The following MAF variants were observed in gnomAD, a reference collection of about 807,000 sequenced individuals.
MAF encodes the protein transcription factor Maf.
A neutral mutation model predicts 22.0 loss-of-function variants in MAF; 10 were observed. The observed-to-expected ratio is 0.45, with a 90% CI of 0.28 to 0.77. The LOEUF is 0.77. MAF is among the 30% of genes least tolerant of loss of function. MAF has a pLI of 0.12. For missense variants in MAF, 544 were observed against 548.4 expected (o/e 0.99, Z 0.08); for synonymous variants, 337 against 255.8 (o/e 1.32, Z -3.03).
chr16:79,211,369 T>C, the MAF span, among the ~76,000 whole-genome samples: 1 of 152,210 alleles, frequency 6.6e-6, no homozygotes, highest in African/African-American at 2.4e-5. Flanking sequence ...TGTCCCTGTA[T>C]GAGGTGTCAA....
chr16:79,493,863 G>A, the MAF span, among the ~76,000 whole-genome samples: 1 of 150,876 alleles, frequency 6.6e-6, no homozygotes, highest in Non-Finnish European at 1.5e-5. Context: ...GCAAAGACCT[G>A]CCCCTTAGTC....
the MAF span, among the ~76,000 whole-genome samples, chr16:79,345,653 C>G: frequency 0.52 from 76,168 of 147,656 alleles, 20,394 homozygotes; most frequent in African/African-American, 0.67. Flanking sequence ...GCTTGAACCT[C>G]GTAGGTGGAG....
the MAF span, among the ~76,000 whole-genome samples, chr16:79,376,806 G>C: frequency 3.9e-5 from 6 of 152,174 alleles, no homozygotes; most frequent in African/African-American, 1.2e-4. Flanking sequence ...AGTTTGCCGA[G>C]AATGATGGTT....
the MAF span, among the ~76,000 whole-genome samples, chr16:79,218,843 AC>A: frequency 0.02 from 3,028 of 152,232 alleles, 25 homozygotes; most frequent in East Asian, 0.04. Flanking sequence ...TGAAGAGCCT[AC>A]CTTTTTTCCT....
chr16:79,342,897 G>T, the MAF span, among the ~76,000 whole-genome samples: 1 of 152,040 alleles, frequency 6.6e-6, no homozygotes, highest in Non-Finnish European at 1.5e-5. Flanking sequence ...CCTCCAAAGC[G>T]TTCGTTCTTA....
the MAF span, among the ~76,000 whole-genome samples, chr16:79,416,344 T>C: frequency 1.3e-5 from 2 of 152,204 alleles, no homozygotes; most frequent in Non-Finnish European, 1.5e-5. Flanking sequence ...ACAAGCTCCA[T>C]GTCAACATGT....
chr16:79,309,145 C>A, the MAF span, among the ~76,000 whole-genome samples: 1 of 152,058 alleles, frequency 6.6e-6, no homozygotes, highest in Non-Finnish European at 1.5e-5. Context: ...GCCTTGGATA[C>A]AGGGGTGCTC....
chr16:79,278,141 T>G, the MAF span, among the ~76,000 whole-genome samples: 1 of 152,206 alleles, frequency 6.6e-6, no homozygotes, highest in African/African-American at 2.4e-5. Flanking sequence ...TAGGACTAGA[T>G]TGAGTCGTCC....
At chr16:79,555,539 AG>A in the MAF span, among the ~76,000 whole-genome samples, 10,707 of 152,264 alleles carry the variant, frequency 0.07, 531 homozygotes, top group Middle Eastern at 0.16. Flanking sequence ...TTAACTACAC[AG>A]TGGAAAGATA....
chr16:79,423,174 T>C, the MAF span, among the ~76,000 whole-genome samples: 2 of 152,202 alleles, frequency 1.3e-5, no homozygotes, highest in African/African-American at 4.8e-5. Flanking sequence ...AAATATTGCA[T>C]AGGATGTACC....
the MAF span, among the ~76,000 whole-genome samples, chr16:79,215,659 G>A: frequency 1.3e-5 from 2 of 152,180 alleles, no homozygotes; most frequent in African/African-American, 2.4e-5. Context: ...GGGTAGCTGA[G>A]GATTCTCCCA....
At chr16:79,487,950 A>G in the MAF span, among the ~76,000 whole-genome samples, 1 of 152,242 alleles carries the variant, frequency 6.6e-6, no homozygotes, top group Admixed American at 6.5e-5. Flanking sequence ...CACAATGCTC[A>G]GGTTAAGAAA....
chr16:79,278,522 T>A, the MAF span, among the ~76,000 whole-genome samples: 1 of 152,208 alleles, frequency 6.6e-6, no homozygotes. Context: ...ATTTTCTCTC[T>A]TGTGTACAGA....
At chr16:79,549,381 G>C in the MAF span, among the ~76,000 whole-genome samples, 2 of 152,206 alleles carry the variant, frequency 1.3e-5, no homozygotes, top group Non-Finnish European at 2.9e-5. Flanking sequence ...GGCTGGGATA[G>C]AACACCCTGC....
chr16:79,297,453 G>C, the MAF span, among the ~76,000 whole-genome samples: 3 of 152,276 alleles, frequency 2.0e-5, no homozygotes, highest in African/African-American at 7.2e-5. Context: ...GCACCATTTT[G>C]TAACAAAGTC....
the MAF span, among the ~76,000 whole-genome samples, chr16:79,376,587 T>C: frequency 6.6e-6 from 1 of 152,330 alleles, no homozygotes; most frequent in East Asian, 1.9e-4. Context: ...GCAGGTTTGT[T>C]ACATATGTAT....
chr16:79,546,472 T>C, the MAF span, among the ~76,000 whole-genome samples: 4 of 152,102 alleles, frequency 2.6e-5, no homozygotes, highest in Admixed American at 2.6e-4. Context: ...GATAAGATGG[T>C]TTTCAACGTG....
intron 1 of MAF, chr16:79,597,800 CT>C (rs34352423): frequency 0.02 from 16,612 of 843,724 alleles, 180 homozygotes; most frequent in African/African-American, 0.082. Context: ...AGCATGCAGG[CT>C]TTTTTTTTTT....
At chr16:79,435,748 A>T in the MAF span, among the ~76,000 whole-genome samples, 2,033 of 152,270 alleles carry the variant, frequency 0.013, 121 homozygotes, top group East Asian at 0.17. Flanking sequence ...TCACGCCGAG[A>T]TGTGCATTTG....
Sources: gnomAD v4.1 joint callset for allele counts (sites outside exome capture counted in the v4.1 genomes callset) on GRCh38, gnomAD v4.1.1 for gene constraint, MANE v1.5 for transcripts, NCBI Gene and HGNC (gene_info 2026-07-23, HGNC 2026-07-21) for gene names.